Variants in OR3A3 observed in about 807,000 individuals in gnomAD.
OR3A3 encodes olfactory receptor 3A3.
For missense variants in OR3A3, 275 were observed against 391.4 expected (o/e 0.70, Z 2.51); for synonymous variants, 103 against 163.9 (o/e 0.63, Z 2.84).
chr17:3,413,628 C>T lies in OR3A3; in HGVS notation c.-7+1457C>T, dbSNP rs181132599. Reference sequence around the variant, plus strand: ...AGTTGTTCGAGACCAACCTGGTCAACATGGTGAAACCCTGTCTCTACTAAA... The same window carrying T: ...AGTTGTTCGAGACCAACCTGGTCAATATGGTGAAACCCTGTCTCTACTAAA... On this transcript the variant is annotated intron_variant, in intron 2 of 2. Transcript: ENST00000641141. Among the ~76,000 whole-genome samples the T allele has an allele frequency of 6.6e-5, 10 of 152,096 alleles. No homozygotes were observed. In the East Asian group the frequency reaches 1.9e-3, roughly 30 times the overall value.
intron 2 of OR3A3, among the ~76,000 whole-genome samples, chr17:3,415,501 C>T (rs1278036811): frequency 6.9e-6 from 1 of 144,684 alleles, no homozygotes; most frequent in Non-Finnish European, 1.5e-5. Context: ...GTGGAGGTTG[C>T]AGTGAGCCAA....
In OR3A3 at chr17:3,421,652, T is replaced by C. The variant is rs538121716; in HGVS notation, c.*119T>C. On this transcript the variant is annotated 3_prime_UTR_variant, in exon 3 of 3. Coordinates refer to ENST00000641141, the Ensembl canonical transcript of OR3A3. ...TCCTGATGCCTGAGGAGTGGTGTTA[T>C]GTGTTTGGCCTACAAGGAAACCCTA... 5.6e-5 allele frequency: 65 copies of C among 1,161,620 alleles called. No homozygotes were observed. The African/African-American group carries it at 7.9e-4, about 14-fold the overall frequency. 72.0% of individuals were successfully genotyped at this position (1,161,620 alleles called of 1,614,324 possible). A position where few individuals can be genotyped will look rare whatever the true frequency, so the allele number is the denominator to read the frequency against.
At chr17:3,418,688 T>C (rs571131454) in intron 2 of OR3A3, among the ~76,000 whole-genome samples, 4 of 152,346 alleles carry the variant, frequency 2.6e-5, no homozygotes, top group African/African-American at 9.6e-5. Flanking sequence ...CTCCTGGCCC[T>C]GAATTTCACT....
At chr17:3,411,654 G>A (rs1417420222) in intron 1 of OR3A3, among the ~76,000 whole-genome samples, 170 bp downstream of exon 1, 3 of 152,176 alleles carry the variant, frequency 2.0e-5, no homozygotes, top group African/African-American at 4.8e-5. Flanking sequence ...CAGCCTGGGC[G>A]ACAGAGCGAG....
intron 2 of OR3A3, among the ~76,000 whole-genome samples, chr17:3,415,011 A>C (rs996050345): frequency 6.6e-6 from 1 of 152,156 alleles, no homozygotes; most frequent in Non-Finnish European, 1.5e-5. Context: ...AATAGCTCAG[A>C]GTTTCCTTCT....
exon 3 of OR3A3, chr17:3,422,247 G>A (rs962722523): frequency 1.3e-5 from 2 of 152,038 alleles, no homozygotes; most frequent in Admixed American, 6.5e-5. Context: ...CAACAGGTGG[G>A]GTCTAGAGAA....
chr17:3,413,005 T>C (rs962186867), intron 2 of OR3A3, among the ~76,000 whole-genome samples: 1 of 152,234 alleles, frequency 6.6e-6, no homozygotes, highest in African/African-American at 2.4e-5. Flanking sequence ...GTTAGAACAA[T>C]TGATAATTCG....
chr17:3,416,263 A>G (rs1251695146), intron 2 of OR3A3, among the ~76,000 whole-genome samples: 1 of 152,232 alleles, frequency 6.6e-6, no homozygotes, highest in East Asian at 1.9e-4. Flanking sequence ...ATCTGTTAAT[A>G]TCATAAAACA....
chr17:3,421,245 C>T (rs746899917), exon 3 of OR3A3: 3 of 1,614,196 alleles, frequency 1.9e-6, no homozygotes, highest in South Asian at 2.2e-5. Flanking sequence ...TCAGTGTGTC[C>T]TATGCCCATG....
At chr17:3,415,572 A>G (rs1361611009) in intron 2 of OR3A3, among the ~76,000 whole-genome samples, 1 of 150,138 alleles carries the variant, frequency 6.7e-6, no homozygotes, top group African/African-American at 2.4e-5. Context: ...AAAAAAAAAA[A>G]AAAGAAAAGA....
At position 3,412,516 on chromosome 17, in the gene OR3A3, A is replaced by G. The variant is rs533600461; in HGVS notation, c.-7+345A>G. Among the ~76,000 whole-genome samples the G allele has an allele frequency of 2.7e-5, 4 of 148,022 alleles. No homozygotes were observed. The South Asian group carries it at 8.8e-4, about 33-fold the overall frequency. Reference sequence around the variant, plus strand: ...GAGGGATGGGCTGGAGTTCCAGAGCAGGGAGCTGTCACAGCTCGTAAGGGG... The same window carrying G: ...GAGGGATGGGCTGGAGTTCCAGAGCGGGGAGCTGTCACAGCTCGTAAGGGG... On this transcript the variant is annotated intron_variant, in intron 2 of 2. Transcript: ENST00000641141.
exon 3 of OR3A3, chr17:3,421,241 T>C: frequency 6.2e-7 from 1 of 1,614,198 alleles, no homozygotes; most frequent in African/African-American, 1.3e-5. Flanking sequence ...TTCATCAGTG[T>C]GTCCTATGCC....
chr17:3,421,019 G>T (rs373407547), exon 3 of OR3A3: 2 of 1,614,076 alleles, frequency 1.2e-6, no homozygotes, highest in Non-Finnish European at 8.5e-7. Flanking sequence ...ACAGTCCAGA[G>T]GATGTTGGTG....
At chr17:3,411,824 C>T (rs867938401) in intron 1 of OR3A3, among the ~76,000 whole-genome samples, 154 bp from the exon 2 acceptor site, 20 of 152,250 alleles carry the variant, frequency 1.3e-4, no homozygotes, top group Middle Eastern at 3.4e-3. Context: ...CATCATCTGC[C>T]GTAACAACCT....
exon 3 of OR3A3, chr17:3,422,981 A>G (rs1002641538): frequency 2.0e-5 from 3 of 152,202 alleles, no homozygotes; most frequent in African/African-American, 2.4e-5. Context: ...AGAGAGAAGT[A>G]TGTCTCTTAC....
intron 2 of OR3A3, among the ~76,000 whole-genome samples, chr17:3,414,556 A>T (rs551813846): frequency 6.6e-6 from 1 of 152,220 alleles, no homozygotes; most frequent in South Asian, 2.1e-4. Context: ...GGATTTTAAG[A>T]GTCACAAAAC....
intron 2 of OR3A3, among the ~76,000 whole-genome samples, chr17:3,418,867 T>A (rs1243946538): frequency 2.6e-5 from 4 of 152,212 alleles, no homozygotes; most frequent in Non-Finnish European, 5.9e-5. Context: ...GATTCAGAGT[T>A]TGACATAATT....
intron 2 of OR3A3, among the ~76,000 whole-genome samples, chr17:3,418,288 C>T (rs16953018): frequency 0.43 from 65,203 of 151,946 alleles, 15,329 homozygotes; most frequent in Non-Finnish European, 0.55. Context: ...CTAAATGAAT[C>T]GAAAGGTTTC....
chr17:3,421,874 A>T (rs1041419613), exon 3 of OR3A3: 7 of 142,016 alleles, frequency 4.9e-5, no homozygotes, highest in Middle Eastern at 3.0e-3. Flanking sequence ...TATAGAAAAA[A>T]GCTGGTAAGA....
Sources: gnomAD v4.1 joint callset for allele counts (sites outside exome capture counted in the v4.1 genomes callset) on GRCh38, gnomAD v4.1.1 for gene constraint, MANE v1.5 for transcripts, NCBI Gene and HGNC (gene_info 2026-07-23, HGNC 2026-07-21) for gene names.